ADD1: variants seen among roughly 807,000 people sequenced by gnomAD.
ADD1 encodes adducin 1.
Under a neutral mutation model 80.5 loss-of-function variants are expected in ADD1, and 24 were observed. The ratio of observed to expected loss-of-function variants is 0.30; its 90% CI spans 0.22 to 0.42. The LOEUF is 0.42. ADD1 is among the 10% of genes least tolerant of loss of function. The pLI, the probability that ADD1 is intolerant of heterozygous loss-of-function variation, is 1.00. For missense variants in ADD1, 948 were observed against 1,019.0 expected (o/e 0.93, Z 0.95); for synonymous variants, 373 against 393.8 (o/e 0.95, Z 0.63).
At chr4:2,851,728 A>C (rs1281986991) in intron 1 of ADD1, among the ~76,000 whole-genome samples, 1 of 152,208 alleles carries the variant, frequency 6.6e-6, no homozygotes, top group African/African-American at 2.4e-5. Context: ...TTAGTCTCAT[A>C]GAATGAACTC....
In ADD1 at chr4:2,884,621, A is replaced by G; in HGVS notation, c.465A>G (p.Leu155=). The G allele has an allele frequency of 6.2e-7, 1 of 1,612,110 alleles. No homozygotes were observed. The highest frequency in any genetic ancestry group is 2.2e-5 in the East Asian group (1 of 44,844). The part of the protein sequence containing the change: ...LRCKLAAFYR[L]ADLFGWSQLI... ...GTAAATTGGCAGCGTTTTATAGACTAGCAGATCTCTTTGGGTGGTCTCAGC... is the reference window on the plus strand; with the variant it reads ...GTAAATTGGCAGCGTTTTATAGACTGGCAGATCTCTTTGGGTGGTCTCAGC... The change falls in exon 4 of 16, where the codon CTA becomes CTG. Residue 155 remains leucine, a synonymous_variant. Transcript: ENST00000683351.
intron 4 of ADD1, among the ~76,000 whole-genome samples, chr4:2,887,160 T>C (rs1018573887): frequency 6.6e-6 from 1 of 152,244 alleles, no homozygotes; most frequent in African/African-American, 2.4e-5. Flanking sequence ...TCCTATGTCT[T>C]ATAAACTAGA....
chr4:2,863,642 C>T (rs1350940296), intron 1 of ADD1, among the ~76,000 whole-genome samples: 1 of 152,162 alleles, frequency 6.6e-6, no homozygotes, highest in Non-Finnish European at 1.5e-5. Flanking sequence ...TGCTGTCTGC[C>T]AAACACTCTA....
intron 4 of ADD1, among the ~76,000 whole-genome samples, chr4:2,888,826 A>G (rs1319476854): frequency 1.3e-5 from 2 of 152,218 alleles, no homozygotes; most frequent in Non-Finnish European, 2.9e-5. Flanking sequence ...AAACAATTAC[A>G]AAGATCATGT....
At position 2,926,617 on chromosome 4, in the gene ADD1, C is replaced by T; in HGVS notation, c.2047+505C>T. The T allele has an allele frequency of 6.2e-7, 1 of 1,613,070 alleles. No homozygotes were observed. The highest frequency in any genetic ancestry group is 8.5e-7 in the Non-Finnish European group (1 of 1,179,570). On this transcript the variant is annotated intron_variant, in intron 15 of 15. Transcript: ENST00000683351. This position sits in a 1 kb window ranked among gnomAD's most constrained non-coding sequence, Gnocchi z 5.0. ...ATAGATTCTCTCCTTGTGCTTTTTTCTCCCTGTGGCTGCGTCACAAGCAGG... is the reference window on the plus strand; with the variant it reads ...ATAGATTCTCTCCTTGTGCTTTTTTTTCCCTGTGGCTGCGTCACAAGCAGG...
At chr4:2,892,862 A>C (rs1263362) in intron 4 of ADD1, among the ~76,000 whole-genome samples, 6,669 of 151,728 alleles carry the variant, frequency 0.044, 275 homozygotes, top group Admixed American at 0.14. Flanking sequence ...AAAAAAAAAA[A>C]CAGATCAAGT....
In ADD1 at chr4:2,926,754, GTTTT is replaced by G. The variant is rs1401466038; in HGVS notation, c.2047+643_2047+646del. On this transcript the variant is annotated intron_variant, in intron 15 of 15. Transcript: ENST00000683351. The surrounding 1 kb of genome is among the most constrained non-coding windows in gnomAD (Gnocchi z 5.0). ...CTCCTGCTTCTTTGTTGTTTATTAA[GTTTT>G]GTTTTCTGTTTATTTAAAATAAAAA... is the stretch of plus-strand genomic sequence containing the variant. The G allele has an allele frequency of 3.4e-6, 5 of 1,481,446 alleles. No homozygotes were observed. The highest frequency in any genetic ancestry group is 3.7e-6 in the Non-Finnish European group (4 of 1,078,872). The allele number at this position is 1,481,446 out of a possible 1,614,324, so 91.8% of individuals were successfully genotyped here.
At chr4:2,871,458 A>C (rs1263591225) in intron 1 of ADD1, among the ~76,000 whole-genome samples, 1 of 152,194 alleles carries the variant, frequency 6.6e-6, no homozygotes, top group South Asian at 2.1e-4. Flanking sequence ...AAAAACATAA[A>C]TTTTTTAAAA....
At chr4:2,871,616 G>A (rs997699057) in intron 1 of ADD1, among the ~76,000 whole-genome samples, 1 of 152,102 alleles carries the variant, frequency 6.6e-6, no homozygotes, top group Non-Finnish European at 1.5e-5. Context: ...ATCACGGAGC[G>A]TTTCAAACAC....
intron 14 of ADD1, 124 bp downstream of exon 14, chr4:2,915,164 A>G: frequency 8.9e-7 from 1 of 1,123,926 alleles, no homozygotes; most frequent in Non-Finnish European, 1.2e-6. Context: ...AAGACAAACC[A>G]GAACTTTATC....
At chr4:2,868,050 G>C (rs995008618) in intron 1 of ADD1, 1 of 152,214 alleles carries the variant, frequency 6.6e-6, no homozygotes, top group South Asian at 2.1e-4. Context: ...AGTAATTAAA[G>C]GCTTTTAACT....
intron 13 of ADD1, 168 bp from the exon 14 acceptor site, chr4:2,914,716 A>G: frequency 1.5e-6 from 1 of 679,004 alleles, no homozygotes; most frequent in Non-Finnish European, 2.5e-6. Context: ...ATTATATACC[A>G]CTGAAGGCTG....
intron 13 of ADD1, among the ~76,000 whole-genome samples, chr4:2,911,143 G>A (rs1425676399): frequency 1.3e-5 from 2 of 152,084 alleles, no homozygotes; most frequent in African/African-American, 4.8e-5. Flanking sequence ...AAGCAAGGAC[G>A]ACTGTGTCCC....
Position 2,861,308 on chromosome 4 carries a change from G to A in ADD1, c.-20-14588G>A, listed in dbSNP as rs558057913. Reference sequence around the variant, plus strand: ...GACTGTGGGAAGCCATTGAACTCTTGGCCCCAAGTGGTCCTTGGCCTCCCA... The same window carrying A: ...GACTGTGGGAAGCCATTGAACTCTTAGCCCCAAGTGGTCCTTGGCCTCCCA... On this transcript the variant is annotated intron_variant, in intron 1 of 15. Transcript: ENST00000683351. Among the ~76,000 whole-genome samples, 6 of 152,220 alleles carry A rather than the reference G, an allele frequency of 3.9e-5. No individual in the cohort carries two copies. In the East Asian group the frequency reaches 1.2e-3, roughly 29 times the overall value.
At chr4:2,894,265 T>C (rs530374553) in intron 5 of ADD1, among the ~76,000 whole-genome samples, 172 bp downstream of exon 5, 4 of 152,200 alleles carry the variant, frequency 2.6e-5, no homozygotes, top group Non-Finnish European at 4.4e-5. Context: ...ATTGTAATCT[T>C]GAGTTTGAAT....
At chr4:2,868,275 C>T (rs908444395) in intron 1 of ADD1, 1 of 152,206 alleles carries the variant, frequency 6.6e-6, no homozygotes, top group African/African-American at 2.4e-5. Context: ...CAGGGATTTC[C>T]TTTGCATTGG....
At chr4:2,922,329 G>A (rs1740192680) in intron 14 of ADD1, among the ~76,000 whole-genome samples, 2 of 152,154 alleles carry the variant, frequency 1.3e-5, no homozygotes, top group Admixed American at 6.6e-5. Context: ...TCATGTGGAT[G>A]TCCTTTTTGT....
chr4:2,885,540 C>G (rs898050170), intron 4 of ADD1, among the ~76,000 whole-genome samples: 1 of 152,106 alleles, frequency 6.6e-6, no homozygotes, highest in African/African-American at 2.4e-5. Context: ...CTCTTGACCA[C>G]CTGTTATAAT....
chr4:2,881,796 C>G (rs1732391551), intron 2 of ADD1, 102 bp from the exon 3 acceptor site: 1 of 960,044 alleles, frequency 1.0e-6, no homozygotes, highest in African/African-American at 1.7e-5. Flanking sequence ...CTTTCCAGCA[C>G]TGGATGAAAA....
Sources: allele counts gnomAD v4.1 joint callset (sites outside exome capture counted in the v4.1 genomes callset), GRCh38; gene constraint gnomAD v4.1.1; non-coding constraint Gnocchi (gnomAD v3.1); transcripts MANE v1.5; gene names NCBI Gene and HGNC (gene_info 2026-07-23, HGNC 2026-07-21).